The following UNC5D variants were observed in gnomAD, a reference collection of about 807,000 sequenced individuals.
UNC5D encodes the protein netrin receptor UNC5D.
UNC5D carries 39 observed loss-of-function variants against 105.4 expected under a neutral mutation model. The observed-to-expected ratio is 0.37, with a 90% confidence interval of 0.29 to 0.48. The LOEUF is 0.48. Among genes scored for constraint, UNC5D ranks in the 20% least tolerant of loss-of-function variants. The probability of loss-of-function intolerance (pLI) is 0.98; values close to 1 mark genes in which losing one functional copy is unlikely to be tolerated. For missense variants in UNC5D, 991 were observed against 1,202.4 expected, an observed-to-expected ratio of 0.82 and a Z score of 2.60; for synonymous variants, 452 against 450.4, an observed-to-expected ratio of 1.00 and a Z score of -0.04.
intron 1 of UNC5D, among the ~76,000 whole-genome samples, chr8:35,258,275 A>G (rs1325004161): frequency 6.6e-6 from 1 of 152,242 alleles, no homozygotes; most frequent in African/African-American, 2.4e-5. Context: ...CAGAGCCCTC[A>G]TGGCCTAATT....
At chr8:35,671,671 T>C (rs954912029) in intron 4 of UNC5D, among the ~76,000 whole-genome samples, 3 of 152,174 alleles carry the variant, frequency 2.0e-5, no homozygotes, top group African/African-American at 7.2e-5. Flanking sequence ...TGCAGTTGTT[T>C]TATTATATTA....
intron 4 of UNC5D, among the ~76,000 whole-genome samples, chr8:35,672,786 G>T (rs867061779): frequency 2.0e-4 from 30 of 152,238 alleles, no homozygotes; most frequent in African/African-American, 6.3e-4. Flanking sequence ...TCAGTAAACA[G>T]TGGATGAGGA....
chr8:35,476,069 A>G (rs907581739), intron 1 of UNC5D, among the ~76,000 whole-genome samples: 3 of 152,194 alleles, frequency 2.0e-5, no homozygotes, highest in African/African-American at 7.2e-5. Flanking sequence ...AATTAACAAC[A>G]TCTCTCGCTC....
At chr8:35,511,744 A>T (rs949496695) in intron 1 of UNC5D, among the ~76,000 whole-genome samples, 1 of 117,386 alleles carries the variant, frequency 8.5e-6, no homozygotes, top group African/African-American at 5.5e-5. Flanking sequence ...AAAAAAATTA[A>T]AAAAAAAAAC....
chr8:35,352,702 T>C (rs945132492), intron 1 of UNC5D, among the ~76,000 whole-genome samples: 1 of 152,130 alleles, frequency 6.6e-6, no homozygotes, highest in African/African-American at 2.4e-5. Flanking sequence ...AACCTCTGCC[T>C]CCTGGGTTCA....
At chr8:35,571,308 T>C (rs530468735) in intron 3 of UNC5D, among the ~76,000 whole-genome samples, 1 of 152,134 alleles carries the variant, frequency 6.6e-6, no homozygotes, top group Admixed American at 6.5e-5. Context: ...TAAATAAAAA[T>C]ATGTCTGAAT....
chr8:35,740,185 C>T (rs573773363), intron 11 of UNC5D, among the ~76,000 whole-genome samples: 8 of 152,288 alleles, frequency 5.3e-5, no homozygotes, highest in African/African-American at 1.4e-4. Flanking sequence ...AGAGATGTCA[C>T]GTCCTAGTTC....
intron 1 of UNC5D, chr8:35,525,630 G>C: frequency 6.2e-7 from 1 of 1,613,500 alleles, no homozygotes; most frequent in Non-Finnish European, 8.5e-7. Flanking sequence ...TCCACTGGAA[G>C]AGGGACATTT....
In UNC5D at chr8:35,622,678, CT is replaced by C. The variant is rs1056465285; in HGVS notation, c.570+27028del. ...TATTAGATAATAAAATCTAATAAGA[CT>C]TTTTTTATGTTATTGTTTGTCCACA... On this transcript the variant is annotated intron_variant, in intron 4 of 16. Transcript: ENST00000404895. 4.6e-5 allele frequency among the ~76,000 whole-genome samples: 7 copies of C among 152,192 alleles called. No individual in the cohort carries two copies. The South Asian group carries it at 8.3e-4, about 18-fold the overall frequency.
chr8:35,628,176 C>T (rs552611653), intron 4 of UNC5D, among the ~76,000 whole-genome samples: 1 of 152,208 alleles, frequency 6.6e-6, no homozygotes, highest in East Asian at 1.9e-4. Context: ...CTCTGTTGCT[C>T]AGGCTGGAGT....
chr8:35,447,149 G>A (rs185113749), intron 1 of UNC5D, among the ~76,000 whole-genome samples: 1 of 151,966 alleles, frequency 6.6e-6, no homozygotes, highest in Non-Finnish European at 1.5e-5. Context: ...TTTTCATGGT[G>A]GCACAGAAGT....
chr8:35,426,385 A>G (rs1361970943), intron 1 of UNC5D, among the ~76,000 whole-genome samples: 1 of 151,984 alleles, frequency 6.6e-6, no homozygotes, highest in Non-Finnish European at 1.5e-5. Context: ...ATAAAGATGT[A>G]AAAAAAACTT....
chr8:35,706,775 A>G (rs961582277), intron 8 of UNC5D, among the ~76,000 whole-genome samples: 2 of 152,174 alleles, frequency 1.3e-5, no homozygotes, highest in African/African-American at 4.8e-5. Flanking sequence ...TCAGAATCTC[A>G]GAGTGTGGCT....
chr8:35,529,431 A>G (rs1461402732), intron 1 of UNC5D, among the ~76,000 whole-genome samples: 1 of 149,744 alleles, frequency 6.7e-6, no homozygotes, highest in Non-Finnish European at 1.5e-5. Flanking sequence ...TACCAGTACT[A>G]TGCTGTTTTG....
At chr8:35,743,003 CATGAAT>C (rs1390257508) in intron 11 of UNC5D, among the ~76,000 whole-genome samples, 4 of 152,136 alleles carry the variant, frequency 2.6e-5, no homozygotes, top group Admixed American at 2.6e-4. Context: ...TGTTTGGTTA[CATGAAT>C]ATGAATAAGT....
At chr8:35,319,116 C>A (rs777575855) in intron 1 of UNC5D, among the ~76,000 whole-genome samples, 12 of 152,078 alleles carry the variant, frequency 7.9e-5, no homozygotes, top group Non-Finnish European at 1.3e-4. Context: ...GCTGACAAGG[C>A]ATCTTTGAAC....
intron 1 of UNC5D, among the ~76,000 whole-genome samples, chr8:35,433,068 A>C (rs1806758912): frequency 6.6e-6 from 1 of 152,206 alleles, no homozygotes; most frequent in Non-Finnish European, 1.5e-5. Flanking sequence ...TTTGAATTGA[A>C]TACTTAACTG....
At chr8:35,248,806 A>C (rs1402318503) in intron 1 of UNC5D, among the ~76,000 whole-genome samples, 1 of 97,282 alleles carries the variant, frequency 1.0e-5, no homozygotes, top group African/African-American at 4.3e-5. Flanking sequence ...TAAAAATATA[A>C]TATATAATAT....
At chr8:35,507,783 G>T (rs1450077132) in intron 1 of UNC5D, among the ~76,000 whole-genome samples, 2 of 152,100 alleles carry the variant, frequency 1.3e-5, no homozygotes, top group African/African-American at 4.8e-5. Flanking sequence ...TGTACCCTAA[G>T]GATAAATGCT....
Sources: allele counts gnomAD v4.1 joint callset (sites outside exome capture counted in the v4.1 genomes callset), GRCh38; gene constraint gnomAD v4.1.1; transcripts MANE v1.5; gene names NCBI Gene and HGNC (gene_info 2026-07-23, HGNC 2026-07-21).